PLPP4: variants seen among roughly 807,000 people sequenced by gnomAD.
The protein encoded by PLPP4 is diacylglycerol pyrophosphate like 2.
PLPP4 carries 20 observed loss-of-function variants against 32.2 expected under a neutral mutation model. The observed-to-expected ratio is 0.62, with a 90% CI of 0.44 to 0.90. PLPP4 has a LOEUF of 0.90. Among genes scored for constraint, PLPP4 ranks in the 40% least tolerant of loss-of-function variants. PLPP4 has a pLI of 0.00. For synonymous variants in PLPP4, 127 were observed against 133.0 expected, an observed-to-expected ratio of 0.95 and a Z score of 0.31; for missense variants, 257 against 353.1, an observed-to-expected ratio of 0.73 and a Z score of 2.18.
chr10:120,535,655 T>C (rs942391070), intron 5 of PLPP4, among the ~76,000 whole-genome samples: 1 of 152,170 alleles, frequency 6.6e-6, no homozygotes, highest in Non-Finnish European at 1.5e-5. Context: ...ATATTTATGA[T>C]TAGCATGTCT....
chr10:120,565,680 A>T (rs1030364525), intron 5 of PLPP4, among the ~76,000 whole-genome samples: 2 of 152,018 alleles, frequency 1.3e-5, no homozygotes, highest in Admixed American at 6.5e-5. Context: ...TTTGGGATTC[A>T]TTGGGCTTTA....
chr10:120,477,654 C>T (rs983944784), intron 1 of PLPP4, among the ~76,000 whole-genome samples: 4 of 152,116 alleles, frequency 2.6e-5, no homozygotes, highest in East Asian at 1.9e-4. Flanking sequence ...CATTTCCTGG[C>T]GTGGCCTTGA....
At chr10:120,552,548 T>G (rs1220351000) in intron 5 of PLPP4, among the ~76,000 whole-genome samples, 1 of 152,216 alleles carries the variant, frequency 6.6e-6, no homozygotes, top group Non-Finnish European at 1.5e-5. Flanking sequence ...TTTATTTGAA[T>G]TCAATGTGCA....
intron 5 of PLPP4, among the ~76,000 whole-genome samples, chr10:120,574,168 ACTCTCTCTCTCTCTCTCTCTCTCT>A (rs58917160): frequency 5.5e-4 from 26 of 47,116 alleles, no homozygotes; most frequent in South Asian, 4.7e-3. Context: ...ACACACACAC[ACTCTCTCTCTCTCTCTCTCTCTCT>A]CTCTCTCTCT....
At chr10:120,461,548 T>G (rs982364804) in intron 1 of PLPP4, among the ~76,000 whole-genome samples, 1 of 152,198 alleles carries the variant, frequency 6.6e-6, no homozygotes, top group African/African-American at 2.4e-5. Flanking sequence ...CTGCTTAGGA[T>G]GCCAGGGTGC....
chr10:120,547,044 C>G lies in PLPP4; in HGVS notation c.445+25949C>G, dbSNP rs146766681. 6.0e-4 allele frequency among the ~76,000 whole-genome samples: 91 copies of G among 151,846 alleles called. No individual in the cohort carries two copies. In the East Asian group the frequency reaches 0.017, roughly 28 times the overall value. The stretch of plus-strand genomic sequence containing the variant: ...AATGTTTTACTAGAGTTCAGGGACC[C>G]TAGGTAGCATGTTCTTTTTTAAAAA... On this transcript the variant is annotated intron_variant, in intron 5 of 6. Transcript: ENST00000398250.
At chr10:120,461,569 G>T (rs571997014) in intron 1 of PLPP4, among the ~76,000 whole-genome samples, 19 of 152,322 alleles carry the variant, frequency 1.2e-4, no homozygotes, top group African/African-American at 4.3e-4. Flanking sequence ...ACAGGTAATG[G>T]TGTTTACCTC....
rs191897077 is a variant in PLPP4, at chr10:120,473,421, G to C, written c.56+16060G>C. Reference sequence around the variant, plus strand: ...GTTGGATAAATTTCAACCCCAGACTGTATCTCCTAGCACTGGCTGGGTGCT... The same window carrying C: ...GTTGGATAAATTTCAACCCCAGACTCTATCTCCTAGCACTGGCTGGGTGCT... On this transcript the variant is annotated intron_variant, in intron 1 of 6. Coordinates refer to ENST00000398250, the MANE Select transcript of PLPP4 (RefSeq NM_001030059.3). 9.9e-5 allele frequency among the ~76,000 whole-genome samples: 15 copies of C among 152,220 alleles called. No homozygotes were observed. The East Asian group carries it at 2.7e-3, about 27-fold the overall frequency.
chr10:120,491,525 A>C (rs543125441), intron 1 of PLPP4, among the ~76,000 whole-genome samples: 1 of 151,782 alleles, frequency 6.6e-6, no homozygotes, highest in Admixed American at 6.6e-5. Flanking sequence ...TTTTCTCATT[A>C]TTCTTCCCAT....
intron 2 of PLPP4, among the ~76,000 whole-genome samples, chr10:120,508,735 G>A (rs560298653): frequency 6.6e-6 from 1 of 152,260 alleles, no homozygotes; most frequent in East Asian, 1.9e-4. Context: ...TGGTCAGGGT[G>A]CCTGGGAGAG....
At position 120,585,969 on chromosome 10, in the gene PLPP4, T is replaced by C. The variant is rs1849733303; in HGVS notation, c.617-3334T>C. Among the ~76,000 whole-genome samples, 3 of 152,324 alleles carry C rather than the reference T, an allele frequency of 2.0e-5. No individual in the cohort carries two copies. The South Asian group carries it at 6.2e-4, about 32-fold the overall frequency. On this transcript the variant is annotated intron_variant, in intron 6 of 6. Transcript: ENST00000398250. ...CCAGACAGCTACTGCTCAGTCACAC[T>C]GTATTCATCAGTTGTTGAAGTTTGA...
intron 1 of PLPP4, among the ~76,000 whole-genome samples, chr10:120,459,443 A>G (rs1036481385): frequency 2.0e-5 from 3 of 152,216 alleles, no homozygotes; most frequent in South Asian, 2.1e-4. Flanking sequence ...GGCTGGGAGC[A>G]TGCAGAAACA....
At chr10:120,582,773 TCCTCCCTCCCTCCCTC>T (rs1197574182) in intron 6 of PLPP4, among the ~76,000 whole-genome samples, 3 of 48,396 alleles carry the variant, frequency 6.2e-5, no homozygotes, top group Non-Finnish European at 3.4e-5. Context: ...CTCCCTCCCT[TCCTCCCTCCCTCCCTC>T]CCTCCCTCCC....
At chr10:120,531,436 A>G (rs1382663558) in intron 5 of PLPP4, among the ~76,000 whole-genome samples, 1 of 152,074 alleles carries the variant, frequency 6.6e-6, no homozygotes, top group Non-Finnish European at 1.5e-5. Context: ...TCTTTTGATG[A>G]GCAGCATCTT....
intron 1 of PLPP4, among the ~76,000 whole-genome samples, chr10:120,479,699 A>G (rs1441554119): frequency 6.6e-6 from 1 of 152,188 alleles, no homozygotes. Context: ...ACCATTAATG[A>G]TACTCATATT....
intron 2 of PLPP4, among the ~76,000 whole-genome samples, chr10:120,508,062 GAT>G (rs1458936027): frequency 6.6e-6 from 1 of 152,152 alleles, no homozygotes; most frequent in East Asian, 1.9e-4. Context: ...CTTCGACCGT[GAT>G]ATGTCCAGAA....
chr10:120,589,502 A>T lies in PLPP4; in HGVS notation c.816A>T (p.Ter272CysextTer9), dbSNP rs373488150. The change falls in exon 7 of 7, where the codon TGA becomes TGT. Residue 272 changes from the stop codon to cysteine, a stop_lost. Coordinates refer to ENST00000398250, the MANE Select transcript of PLPP4 (RefSeq NM_001030059.3). Reference sequence around the variant, plus strand: ...AGGGGATCACCGAAGGCCCGGTATGACCAGTGTCCTGGGAGGATGGACACT... The same window carrying T: ...AGGGGATCACCGAAGGCCCGGTATGTCCAGTGTCCTGGGAGGATGGACACT... ...PLEGITEGPV* is the reference protein window; with the variant it reads ...PLEGITEGPVC 32 of 1,613,368 alleles carry T rather than the reference A, an allele frequency of 2.0e-5. No individual in the cohort carries two copies. The highest frequency in any genetic ancestry group is 2.3e-5 in the Non-Finnish European group (27 of 1,179,698).
chr10:120,535,170 T>C (rs186419327), intron 5 of PLPP4, among the ~76,000 whole-genome samples: 2 of 152,330 alleles, frequency 1.3e-5, no homozygotes, highest in East Asian at 1.9e-4. Flanking sequence ...ATATGAGACC[T>C]GTGGTGGTGG....
chr10:120,516,145 T>C (rs1845926107), intron 3 of PLPP4, among the ~76,000 whole-genome samples: 1 of 152,146 alleles, frequency 6.6e-6, no homozygotes, highest in African/African-American at 2.4e-5. Flanking sequence ...TCAATCACTA[T>C]TTTTAGGAAG....
Sources: allele counts gnomAD v4.1 joint callset (sites outside exome capture counted in the v4.1 genomes callset), GRCh38; gene constraint gnomAD v4.1.1; transcripts MANE v1.5; gene names NCBI Gene and HGNC (gene_info 2026-07-23, HGNC 2026-07-21).